Variants in ST13 observed in about 807,000 individuals in gnomAD.
ST13 encodes ST13 Hsp70 interacting protein.
ST13 carries 23 observed loss-of-function variants against 56.7 expected under a neutral mutation model. The observed-to-expected ratio is 0.41, with a 90% CI of 0.29 to 0.57. The LOEUF (loss-of-function observed/expected upper bound fraction) is 0.57. Among genes scored for constraint, ST13 ranks in the 20% least tolerant of loss-of-function variants. ST13 has a pLI of 0.36. For missense variants in ST13, 369 were observed against 459.9 expected (o/e 0.80, Z 1.81); for synonymous variants, 132 against 142.4 (o/e 0.93, Z 0.52).
At chr22:40,851,756 T>C (rs2057862546) in intron 1 of ST13, among the ~76,000 whole-genome samples, 1 of 151,830 alleles carries the variant, frequency 6.6e-6, no homozygotes, top group African/African-American at 2.4e-5. Flanking sequence ...TTCTTTTTTT[T>C]TTTTTTTGAG....
chr22:40,826,700 T>C (rs202081965), intron 11 of ST13, 34 bp from the exon 12 acceptor site: 2 of 1,605,576 alleles, frequency 1.2e-6, no homozygotes, highest in Non-Finnish European at 1.7e-6. Flanking sequence ...ATTTAAAAAG[T>C]GTCCTACTGG....
intron 2 of ST13, among the ~76,000 whole-genome samples, chr22:40,850,044 G>C (rs556789381): frequency 1.3e-5 from 2 of 152,106 alleles, no homozygotes; most frequent in South Asian, 4.2e-4. Context: ...GATCAGTTGA[G>C]GTCAGGAGTT....
At chr22:40,827,629 C>T (rs2057734959) in intron 10 of ST13, among the ~76,000 whole-genome samples, 1 of 151,956 alleles carries the variant, frequency 6.6e-6, no homozygotes, top group South Asian at 2.1e-4. Context: ...AGGCACGCAC[C>T]ACTATGCCTA....
At chr22:40,827,827 G>C (rs2057735999) in intron 10 of ST13, among the ~76,000 whole-genome samples, 1 of 151,934 alleles carries the variant, frequency 6.6e-6, no homozygotes. Flanking sequence ...TAATAACACT[G>C]TTAAAAAAGA....
intron 3 of ST13, among the ~76,000 whole-genome samples, chr22:40,846,885 C>CT (rs978949352): frequency 2.0e-5 from 3 of 152,074 alleles, no homozygotes; most frequent in Non-Finnish European, 2.9e-5. Flanking sequence ...GTCCCAGCTA[C>CT]TCAGGAGGCT....
At chr22:40,835,740 T>G in intron 6 of ST13, 63 bp downstream of exon 6, 1 of 1,595,816 alleles carries the variant, frequency 6.3e-7, no homozygotes, top group South Asian at 1.1e-5. Context: ...CAGAAGCAAC[T>G]CTATTTAAAC....
chr22:40,827,227 C>T lies in ST13; in HGVS notation c.850G>A (p.Gly284Ser), dbSNP rs989393595. The change falls in exon 11 of 12, where the codon GGC becomes AGC. Residue 284 changes from glycine (G) to serine (S), a missense_variant and splice_region_variant. Physicochemically the swap from Gly to Ser is moderately conservative, Grantham distance 56. Coordinates refer to ENST00000216218, the MANE Select transcript of ST13 (RefSeq NM_003932.5). The part of the protein sequence containing the change: ...SGAQYGSFPG[G>S]FPGGMPGNFP... The stretch of plus-strand genomic sequence containing the variant: ...TTACCAGGCATTCCCCCAGGAAAGC[C>T]ACCTGTAATAAAAAATGAATAGACA... 6.2e-7 allele frequency: 1 copy of T among 1,613,422 alleles called. No homozygotes were observed. The highest frequency in any genetic ancestry group is 1.1e-5 in the South Asian group (1 of 91,058).
chr22:40,835,925 GATAAAAATATTA>G (rs2057775185), intron 5 of ST13, 38 bp from the exon 6 acceptor site: 2 of 1,473,542 alleles, frequency 1.4e-6, no homozygotes, highest in Non-Finnish European at 1.9e-6. Flanking sequence ...ATATTCAGAG[GATAAAAATATTA>G]ATAAAAAGTT....
chr22:40,834,852 T>G (rs919712804), intron 7 of ST13, among the ~76,000 whole-genome samples: 1 of 152,220 alleles, frequency 6.6e-6, no homozygotes, highest in African/African-American at 2.4e-5. Flanking sequence ...TGTTTATCTT[T>G]AACATGTGTC....
chr22:40,832,874 T>C (rs2057760407), intron 7 of ST13, among the ~76,000 whole-genome samples: 1 of 152,252 alleles, frequency 6.6e-6, no homozygotes, highest in African/African-American at 2.4e-5. Flanking sequence ...ATTTCCTCTA[T>C]TTAAAGCTGC....
chr22:40,826,730 T>C, intron 11 of ST13, 64 bp from the exon 12 acceptor site: 1 of 1,567,856 alleles, frequency 6.4e-7, no homozygotes, highest in Non-Finnish European at 8.7e-7. Flanking sequence ...TTTATTATCC[T>C]AAATTCCATC....
rs761662859 is a variant in ST13, at chr22:40,829,658, C to T, written c.815G>A (p.Arg272Gln). 1.5e-5 allele frequency: 23 copies of T among 1,487,046 alleles called. No homozygotes were observed. Among genetic ancestry groups the T allele is most frequent in the Middle Eastern group, 2.3e-4 (1 of 4,444 alleles). 92.1% of individuals were successfully genotyped at this position (1,487,046 alleles called of 1,614,324 possible). A position where few individuals can be genotyped will look rare whatever the true frequency, so the allele number is the denominator to read the frequency against. The part of the protein sequence containing the change: ...ERAQREEEAR[R>Q]QSGAQYGSFP... ...AGAGCCATACTGAGCTCCTGACTGT[C>T]GTCTGGCTTCTTCCTCCTTTGATAC... is the stretch of plus-strand genomic sequence containing the variant. Residue 272 changes from arginine (R) to glutamine (Q), a missense_variant, in exon 10 of 12, where the codon CGA (arginine) becomes CAA (glutamine). Physicochemically the swap from Arg to Gln is conservative, Grantham distance 43. Around this residue, in one of 3 missense-constraint regions of ST13, gnomAD observed 136 missense variants for 159.2 expected, o/e 0.85. Transcript: ENST00000216218.
rs1335514434 is a variant in ST13 at position 40,825,417 on chromosome 22, G to T, written c.*1121C>A. ...TAACTGCAATAGGTTTTTCTAAGTA[G>T]AAGACCAAACACCAAAGGGAATCCC... On this transcript the variant is annotated 3_prime_UTR_variant, in exon 12 of 12. Coordinates refer to ENST00000216218, the MANE Select transcript of ST13 (RefSeq NM_003932.5). 3 of 152,132 alleles carry T rather than the reference G, an allele frequency of 2.0e-5. No homozygotes were observed. The highest frequency in any genetic ancestry group is 2.9e-5 in the Non-Finnish European group (2 of 68,028). The allele number at this position is 152,132 out of a possible 1,614,324, so 9.4% of individuals were successfully genotyped here.
At chr22:40,845,986 G>C (rs2057829227) in intron 3 of ST13, among the ~76,000 whole-genome samples, 1 of 152,114 alleles carries the variant, frequency 6.6e-6, no homozygotes, top group Non-Finnish European at 1.5e-5. Context: ...GCCGAGGTTG[G>C]AGTGCAGTGG....
chr22:40,856,400 G>A lies in ST13; in HGVS notation c.110+31C>T, dbSNP rs778312695. The A allele has an allele frequency of 2.0e-5, 32 of 1,579,902 alleles. No individual in the cohort carries two copies. In the Admixed American group the frequency reaches 3.0e-4, roughly 15 times the overall value. ...TCCCCCCTGGGGCCGTGCTTCCCCCGCCCCCAACGGTCCTCAGGCCTGGGT... is the reference window on the plus strand; with the variant it reads ...TCCCCCCTGGGGCCGTGCTTCCCCCACCCCCAACGGTCCTCAGGCCTGGGT... On this transcript the variant is annotated intron_variant, in intron 1 of 11. Transcript: ENST00000216218.
At chr22:40,853,314 T>C (rs2057871132) in intron 1 of ST13, among the ~76,000 whole-genome samples, 1 of 152,012 alleles carries the variant, frequency 6.6e-6, no homozygotes, top group Non-Finnish European at 1.5e-5. Context: ...GTACCATACC[T>C]GCAATTTTTC....
At chr22:40,852,452 T>G (rs959782048) in intron 1 of ST13, among the ~76,000 whole-genome samples, 4 of 152,250 alleles carry the variant, frequency 2.6e-5, no homozygotes, top group Non-Finnish European at 5.9e-5. Context: ...TTGCAAATAT[T>G]TTCTCCCACC....
At chr22:40,856,344 G>A in intron 1 of ST13, 87 bp downstream of exon 1, 3 of 1,204,720 alleles carry the variant, frequency 2.5e-6, no homozygotes, top group South Asian at 1.2e-5. Context: ...ACCCCGCCTC[G>A]CCCGCCGGAC....
intron 7 of ST13, 34 bp downstream of exon 7, chr22:40,835,526 A>G (rs763631135): frequency 1.3e-5 from 20 of 1,532,752 alleles, no homozygotes; most frequent in Admixed American, 1.2e-4. Flanking sequence ...TTAAATGTAA[A>G]GAGTTCTGAA....
Sources: allele counts gnomAD v4.1 joint callset (sites outside exome capture counted in the v4.1 genomes callset), GRCh38; gene constraint gnomAD v4.1.1; regional missense constraint gnomAD v4.1.1; transcripts MANE v1.5; gene names NCBI Gene and HGNC (gene_info 2026-07-23, HGNC 2026-07-21).